The following CTNNA3 variants were observed in gnomAD, a reference collection of about 807,000 sequenced individuals.
CTNNA3 encodes catenin alpha 3, also known as catenin alpha-3.
In CTNNA3, 76 loss-of-function variants were observed where a neutral mutation model predicts 95.7. That is an observed-to-expected ratio of 0.79 (90% confidence interval 0.66 to 0.96). The LOEUF is 0.96. Ranked by LOEUF, CTNNA3 falls within the 40% of genes least tolerant of loss-of-function variation. The probability of loss-of-function intolerance (pLI) is 0.00; values close to 1 mark genes in which losing one functional copy is unlikely to be tolerated. For synonymous variants in CTNNA3, 431 were observed against 374.4 expected (o/e 1.15, Z -1.74); for missense variants, 1,191 against 1,089.8 (o/e 1.09, Z -1.31).
chr10:66,322,318 G>A (rs2092199820), intron 12 of CTNNA3, among the ~76,000 whole-genome samples: 1 of 152,098 alleles, frequency 6.6e-6, no homozygotes, highest in African/African-American at 2.4e-5. Flanking sequence ...AAGGAACTGT[G>A]TTTGCAATGA....
chr10:67,106,808 T>C (rs1858661091), intron 7 of CTNNA3, among the ~76,000 whole-genome samples: 1 of 152,186 alleles, frequency 6.6e-6, no homozygotes, highest in South Asian at 2.1e-4. Flanking sequence ...ATTTTTTCAA[T>C]ATAATTAATG....
intron 10 of CTNNA3, among the ~76,000 whole-genome samples, chr10:66,600,695 T>C (rs1646668325): frequency 6.6e-6 from 1 of 151,898 alleles, no homozygotes; most frequent in Non-Finnish European, 1.5e-5. Flanking sequence ...TTGTAAAGCC[T>C]GTTTTAATAA....
chr10:66,189,274 A>C (rs866018141), intron 13 of CTNNA3, among the ~76,000 whole-genome samples: 5,311 of 60,150 alleles, frequency 0.088, 293 homozygotes, highest in African/African-American at 0.32. Flanking sequence ...AGTTCTATCA[A>C]AAAAAAAAAA....
chr10:67,341,246 T>C lies in CTNNA3; in HGVS notation c.580-121376A>G, dbSNP rs138800868. Reference sequence around the variant, plus strand: ...TGTATAATTAAATTATTATTGACTATAGTCACTCTGTTGTGCTGTCAAATA... The same window carrying C: ...TGTATAATTAAATTATTATTGACTACAGTCACTCTGTTGTGCTGTCAAATA... On this transcript the variant is annotated intron_variant, in intron 5 of 17. Coordinates refer to ENST00000433211, the MANE Select transcript of CTNNA3 (RefSeq NM_013266.4). Among the ~76,000 whole-genome samples, 155 of 152,316 alleles carry C rather than the reference T, an allele frequency of 1.0e-3. 1 individual carries two copies. Among genetic ancestry groups the C allele is most frequent in the African/African-American group, 3.5e-3 (146 of 41,566 alleles).
In CTNNA3 at chr10:67,198,666, T is replaced by C. The variant is rs1010558131; in HGVS notation, c.844-18146A>G. 2.9e-4 allele frequency among the ~76,000 whole-genome samples: 44 copies of C among 152,302 alleles called. 1 individual carries two copies. Among genetic ancestry groups the C allele is most frequent in the Admixed American group, 1.5e-3 (23 of 15,296 alleles). The stretch of plus-strand genomic sequence containing the variant: ...AAGGATGTTGCTGGTGCTGTTCTCA[T>C]AGGGTGTCGATGCAAGACTGAAAAT... On this transcript the variant is annotated intron_variant, in intron 6 of 17. Coordinates refer to ENST00000433211, the MANE Select transcript of CTNNA3 (RefSeq NM_013266.4).
intron 10 of CTNNA3, among the ~76,000 whole-genome samples, chr10:66,561,026 C>T (rs1045412106): frequency 6.6e-6 from 1 of 151,866 alleles, no homozygotes; most frequent in African/African-American, 2.4e-5. Flanking sequence ...AGCCAGCCAG[C>T]CTAAGGTAAT....
chr10:66,123,760 G>A (rs186137742), intron 13 of CTNNA3, among the ~76,000 whole-genome samples: 5 of 152,180 alleles, frequency 3.3e-5, no homozygotes, highest in Non-Finnish European at 5.9e-5. Context: ...TCATGTGGAA[G>A]CTGACAAGGC....
intron 13 of CTNNA3, among the ~76,000 whole-genome samples, chr10:66,234,627 A>G (rs904645426): frequency 2.6e-5 from 4 of 152,236 alleles, no homozygotes; most frequent in Admixed American, 2.6e-4. Flanking sequence ...AAATCCTTAA[A>G]TGGTGACCTA....
chr10:67,485,544 A>G (rs1264584204), intron 5 of CTNNA3, among the ~76,000 whole-genome samples: 4 of 152,228 alleles, frequency 2.6e-5, no homozygotes, highest in African/African-American at 9.6e-5. Context: ...CCTAGTGACT[A>G]TGCTGACCCA....
chr10:66,125,030 CGAA>C lies in CTNNA3; in HGVS notation c.1885-21784_1885-21782del, dbSNP rs1342651488. On this transcript the variant is annotated intron_variant, in intron 13 of 17. Transcript: ENST00000433211. ...ACACAGCAAAATTATTCTTCAAAAA[CGAA>C]GAAGAAATAAAAACTTTCTCAGACA... Among the ~76,000 whole-genome samples, 3 of 151,962 alleles carry C rather than the reference CGAA, an allele frequency of 2.0e-5. No homozygotes were observed. In the East Asian group the frequency reaches 5.8e-4, roughly 29 times the overall value.
intron 11 of CTNNA3, among the ~76,000 whole-genome samples, chr10:66,421,915 T>TATATATAC (rs1491235778): frequency 7.8e-6 from 1 of 128,900 alleles, no homozygotes; most frequent in Non-Finnish European, 1.6e-5. Context: ...TATATATATA[T>TATATATAC]ACACACACAC....
At chr10:67,017,758 C>CGT (rs1852750274) in intron 7 of CTNNA3, among the ~76,000 whole-genome samples, 2 of 150,990 alleles carry the variant, frequency 1.3e-5, no homozygotes, top group African/African-American at 4.9e-5. Context: ...TGTGTGCGCG[C>CGT]GTACAATTTT....
intron 7 of CTNNA3, among the ~76,000 whole-genome samples, chr10:66,908,056 A>G (rs1846067189): frequency 6.6e-6 from 1 of 152,200 alleles, no homozygotes; most frequent in South Asian, 2.1e-4. Context: ...CTTGGCTAGA[A>G]GTTCTATTTG....
intron 7 of CTNNA3, among the ~76,000 whole-genome samples, chr10:66,935,006 A>C (rs1455396953): frequency 1.3e-5 from 2 of 152,118 alleles, no homozygotes; most frequent in Non-Finnish European, 2.9e-5. Flanking sequence ...AGGCTATGCT[A>C]CCTTGAGTGG....
intron 7 of CTNNA3, among the ~76,000 whole-genome samples, chr10:67,079,468 A>C (rs1378675550): frequency 2.0e-5 from 3 of 152,240 alleles, no homozygotes; most frequent in African/African-American, 7.2e-5. Context: ...ATTCGCAAAT[A>C]TCTCCCGAGG....
intron 7 of CTNNA3, among the ~76,000 whole-genome samples, chr10:66,985,661 GATC>G: frequency 6.6e-6 from 1 of 152,182 alleles, no homozygotes; most frequent in East Asian, 1.9e-4. Flanking sequence ...AGGTGGAAAT[GATC>G]ATCAAGAACC....
At chr10:66,426,374 C>CCGATACACT (rs2093241253) in intron 11 of CTNNA3, among the ~76,000 whole-genome samples, 1 of 152,052 alleles carries the variant, frequency 6.6e-6, no homozygotes, top group African/African-American at 2.4e-5. Context: ...AAGTATATTA[C>CCGATACACT]TGATACACTT....
chr10:67,013,702 G>A (rs758535810), intron 7 of CTNNA3, among the ~76,000 whole-genome samples: 2 of 152,140 alleles, frequency 1.3e-5, no homozygotes, highest in Admixed American at 6.5e-5. Flanking sequence ...GTAATAGGCA[G>A]GTAAAGCAGC....
At chr10:66,405,252 T>G (rs948971138) in intron 11 of CTNNA3, among the ~76,000 whole-genome samples, 8 of 152,288 alleles carry the variant, frequency 5.3e-5, no homozygotes, top group African/African-American at 1.7e-4. Flanking sequence ...AAGTTTTTGA[T>G]AGACTGCTTG....
Sources: allele counts gnomAD v4.1 joint callset (sites outside exome capture counted in the v4.1 genomes callset), GRCh38; gene constraint gnomAD v4.1.1; transcripts MANE v1.5; gene names NCBI Gene and HGNC (gene_info 2026-07-23, HGNC 2026-07-21).